Variants in ZZZ3 observed in about 807,000 individuals in gnomAD.
ZZZ3 encodes the protein zinc finger ZZ-type containing 3, also known as ZZ-type zinc finger-containing protein 3.
Under a neutral mutation model 95.2 loss-of-function variants are expected in ZZZ3, and 22 were observed. That is an observed-to-expected ratio of 0.23 (90% CI 0.17 to 0.33). The LOEUF is 0.33. ZZZ3 is among the 10% of genes least tolerant of loss of function. The probability of loss-of-function intolerance (pLI) is 1.00; values close to 1 mark genes in which losing one functional copy is unlikely to be tolerated. For synonymous variants in ZZZ3, 335 were observed against 358.9 expected, an observed-to-expected ratio of 0.93 and a Z score of 0.75; for missense variants, 885 against 1,066.5, an observed-to-expected ratio of 0.83 and a Z score of 2.37.
At chr1:77,573,346 T>C (rs1661604546) in intron 12 of ZZZ3, among the ~76,000 whole-genome samples, 2 of 152,014 alleles carry the variant, frequency 1.3e-5, no homozygotes, top group Non-Finnish European at 2.9e-5. Context: ...GGTCTTGAAC[T>C]CCTGACCTCA....
intron 1 of ZZZ3, among the ~76,000 whole-genome samples, chr1:77,663,663 T>G (rs1027095073): frequency 5.3e-5 from 8 of 152,196 alleles, no homozygotes; most frequent in Non-Finnish European, 8.8e-5. Context: ...TGGTACTTCA[T>G]TTGTTTTTTC....
At chr1:77,622,728 A>C (rs553772619) in intron 5 of ZZZ3, among the ~76,000 whole-genome samples, 147 of 152,244 alleles carry the variant, frequency 9.7e-4, no homozygotes, top group African/African-American at 3.2e-3. Context: ...CCAGTAACCT[A>C]ATTTTTATTT....
At chr1:77,621,940 T>G (rs1054555052) in intron 5 of ZZZ3, among the ~76,000 whole-genome samples, 3 of 152,140 alleles carry the variant, frequency 2.0e-5, no homozygotes, top group African/African-American at 7.2e-5. Flanking sequence ...GGTAACATGA[T>G]CCTTCCCTCC....
chr1:77,661,418 C>CAAAACA (rs768192472), intron 1 of ZZZ3, among the ~76,000 whole-genome samples: 5 of 151,830 alleles, frequency 3.3e-5, no homozygotes, highest in African/African-American at 7.2e-5. Context: ...CAACCAAAAC[C>CAAAACA]AAAACAAAAA....
chr1:77,572,465 G>A (rs145549093), intron 12 of ZZZ3, among the ~76,000 whole-genome samples: 1,635 of 150,386 alleles, frequency 0.011, 30 homozygotes, highest in African/African-American at 0.036. Flanking sequence ...TCAGCCTCCC[G>A]AGTAGCTGGG....
chr1:77,661,578 T>C (rs962888399), intron 1 of ZZZ3, among the ~76,000 whole-genome samples: 4 of 152,110 alleles, frequency 2.6e-5, no homozygotes, highest in African/African-American at 9.7e-5. Flanking sequence ...ATTAAGGGCA[T>C]TGCAGTTAGA....
At chr1:77,635,464 G>T (rs971184921) in intron 4 of ZZZ3, among the ~76,000 whole-genome samples, 5 of 152,190 alleles carry the variant, frequency 3.3e-5, no homozygotes, top group African/African-American at 1.2e-4. Flanking sequence ...TTCATTAAAA[G>T]AACAGCTGAC....
chr1:77,607,592 GAAGA>G (rs1481725829), intron 5 of ZZZ3, among the ~76,000 whole-genome samples: 1 of 152,168 alleles, frequency 6.6e-6, no homozygotes, highest in Admixed American at 6.5e-5. Context: ...TGATCACACA[GAAGA>G]AAGAATTAGT....
rs373177238 is a variant in ZZZ3 at position 77,606,124 on chromosome 1, AC to A, written c.1506-21470del. Among the ~76,000 whole-genome samples the A allele has an allele frequency of 2.0e-4, 30 of 152,016 alleles. 1 individual carries two copies. The highest frequency in any genetic ancestry group is 6.8e-4 in the African/African-American group (28 of 41,468). On this transcript the variant is annotated intron_variant, in intron 5 of 14. Coordinates refer to ENST00000370801, the MANE Select transcript of ZZZ3 (RefSeq NM_015534.6). The stretch of plus-strand genomic sequence containing the variant: ...AGGGGGTCCACTACCCTGAAGTGTT[AC>A]TCCCCAACCTGGCAGCATTGACTAC...
intron 1 of ZZZ3, among the ~76,000 whole-genome samples, chr1:77,665,818 G>A (rs538276993): frequency 2.0e-4 from 30 of 148,588 alleles, no homozygotes; most frequent in African/African-American, 2.7e-4. Context: ...CGAGGCGGGC[G>A]GATCACCTGA....
intron 5 of ZZZ3, among the ~76,000 whole-genome samples, chr1:77,617,445 T>C (rs1179544628): frequency 6.6e-6 from 1 of 152,200 alleles, no homozygotes; most frequent in Non-Finnish European, 1.5e-5. Flanking sequence ...GATTCATTCA[T>C]ATTGCAGCTT....
intron 12 of ZZZ3, among the ~76,000 whole-genome samples, chr1:77,569,920 TA>T (rs1661205458): frequency 6.6e-6 from 1 of 152,178 alleles, no homozygotes; most frequent in Admixed American, 6.5e-5. Flanking sequence ...ACTTATTTCC[TA>T]AAAGCATCCC....
chr1:77,598,901 A>G (rs1331833936), intron 5 of ZZZ3, among the ~76,000 whole-genome samples: 3 of 152,200 alleles, frequency 2.0e-5, no homozygotes, highest in Non-Finnish European at 2.9e-5. Flanking sequence ...GCTATTAAGT[A>G]AGTACACTTC....
chr1:77,675,599 CTT>C (rs34838226), intron 1 of ZZZ3, among the ~76,000 whole-genome samples: 2 of 146,248 alleles, frequency 1.4e-5, no homozygotes, highest in African/African-American at 2.5e-5. Flanking sequence ...ACAGGACACA[CTT>C]TTTTTTTTTT....
chr1:77,565,849 A>G, intron 14 of ZZZ3, 65 bp from the exon 15 acceptor site: 1 of 1,459,926 alleles, frequency 6.8e-7, no homozygotes, highest in Non-Finnish European at 9.2e-7. Context: ...GTGTATTACA[A>G]AGCTTCCTCA....
chr1:77,625,883 GC>G (rs989149949), intron 5 of ZZZ3, among the ~76,000 whole-genome samples: 1 of 151,608 alleles, frequency 6.6e-6, no homozygotes, highest in Non-Finnish European at 1.5e-5. Context: ...TGTAATCCCA[GC>G]TACTCAGGAG....
chr1:77,648,766 GC>G (rs1384118438), intron 1 of ZZZ3, among the ~76,000 whole-genome samples: 4 of 152,142 alleles, frequency 2.6e-5, no homozygotes, highest in Non-Finnish European at 5.9e-5. Context: ...TGAAAGAGAA[GC>G]AGAAAAAATA....
intron 4 of ZZZ3, among the ~76,000 whole-genome samples, chr1:77,634,370 T>A (rs2100860298): frequency 6.6e-6 from 1 of 152,248 alleles, no homozygotes; most frequent in Admixed American, 6.5e-5. Flanking sequence ...TAATCTGGCA[T>A]CCAAAAATTT....
At chr1:77,590,186 A>G (rs1037172638) in intron 5 of ZZZ3, among the ~76,000 whole-genome samples, 6 of 152,228 alleles carry the variant, frequency 3.9e-5, no homozygotes, top group African/African-American at 1.4e-4. Flanking sequence ...CAGCCTGGCC[A>G]ACATGGTGAA....
Sources: allele counts gnomAD v4.1 joint callset (sites outside exome capture counted in the v4.1 genomes callset), GRCh38; gene constraint gnomAD v4.1.1; transcripts MANE v1.5; gene names NCBI Gene and HGNC (gene_info 2026-07-23, HGNC 2026-07-21).